LRRK1: variants seen among roughly 807,000 people sequenced by gnomAD.
The protein encoded by LRRK1 is leucine-rich repeat serine/threonine-protein kinase 1.
Under a neutral mutation model 209.1 loss-of-function variants are expected in LRRK1, and 113 were observed. That is an observed-to-expected ratio of 0.54 (90% CI 0.46 to 0.63). The LOEUF (loss-of-function observed/expected upper bound fraction) is 0.63, where lower values mean the gene tolerates loss of function less well. Among genes scored for constraint, LRRK1 ranks in the 30% least tolerant of loss-of-function variants. The pLI is 0.00. For synonymous variants in LRRK1, 1,144 were observed against 1,099.7 expected, an observed-to-expected ratio of 1.04 and a Z score of -0.80; for missense variants, 2,284 against 2,632.2, an observed-to-expected ratio of 0.87 and a Z score of 2.89.
In LRRK1 at chr15:101,027,611, A is replaced by G. The variant is rs780935663; in HGVS notation, c.2527-27A>G. ...GCAGGTGTGCCTTGGGACCTGAGAG[A>G]CCCTGCCTCGCCCAACTGTCCCCCA... On this transcript the variant is annotated intron_variant, in intron 18 of 33. Coordinates refer to ENST00000388948, the MANE Select transcript of LRRK1 (RefSeq NM_024652.6). The surrounding 1 kb of genome is among the most constrained non-coding windows in gnomAD (Gnocchi z 5.1). The G allele has an allele frequency of 1.9e-6, 3 of 1,603,456 alleles. No individual in the cohort carries two copies. The highest frequency in any genetic ancestry group is 2.6e-6 in the Non-Finnish European group (3 of 1,176,340).
chr15:101,005,618 G>C (rs912258171), intron 6 of LRRK1, among the ~76,000 whole-genome samples: 1 of 152,180 alleles, frequency 6.6e-6, no homozygotes, highest in African/African-American at 2.4e-5. Context: ...TTTTGCTCAA[G>C]GGAATCAAGG....
intron 2 of LRRK1, among the ~76,000 whole-genome samples, chr15:100,937,655 C>T (rs891465869): frequency 6.6e-6 from 1 of 151,920 alleles, no homozygotes; most frequent in Non-Finnish European, 1.5e-5. Flanking sequence ...CTGCCTCCAC[C>T]TCCCAAGCAG....
chr15:101,067,952 G>T (rs1272145527), intron 33 of LRRK1, among the ~76,000 whole-genome samples: 1 of 152,214 alleles, frequency 6.6e-6, no homozygotes. Flanking sequence ...CTAAGGGGAG[G>T]TCCTGGCAAG....
At chr15:101,062,550 C>T in intron 30 of LRRK1, 24 bp from the exon 31 acceptor site, 1 of 1,502,280 alleles carries the variant, frequency 6.7e-7, no homozygotes, top group East Asian at 2.3e-5. Flanking sequence ...CTGGGTCTCA[C>T]AGTGGACCTG....
In LRRK1 at chr15:101,074,342, T is replaced by A. The variant is rs1208646427; in HGVS notation, c.*5494T>A. 1 of 151,958 alleles carries A rather than the reference T, an allele frequency of 6.6e-6. No homozygotes were observed. Among genetic ancestry groups the A allele is most frequent in the Non-Finnish European group, 1.5e-5 (1 of 68,012 alleles). The allele number at this position is 151,958 out of a possible 1,614,324, so 9.4% of individuals were successfully genotyped here. A position where few individuals can be genotyped will look rare whatever the true frequency, so the allele number is the denominator to read the frequency against. ...TACAGTTTCCTTCCGTGACTAGCCC[T>A]CCCCTACCTGCCCAGCAATTTTCTC... On this transcript the variant is annotated 3_prime_UTR_variant, in exon 34 of 34. Transcript: ENST00000388948.
intron 1 of LRRK1, among the ~76,000 whole-genome samples, chr15:100,921,272 C>T (rs2141587523): frequency 1.3e-5 from 2 of 152,308 alleles, no homozygotes; most frequent in Admixed American, 1.3e-4. Flanking sequence ...GTTTCAGACT[C>T]ATGGAGCATT....
chr15:100,987,392 T>A (rs2031931603), intron 4 of LRRK1, among the ~76,000 whole-genome samples: 1 of 152,092 alleles, frequency 6.6e-6, no homozygotes, highest in African/African-American at 2.4e-5. Flanking sequence ...CCAAAAGATA[T>A]TGCACTATTT....
At chr15:100,921,558 C>T (rs560151014) in intron 1 of LRRK1, among the ~76,000 whole-genome samples, 9 of 152,310 alleles carry the variant, frequency 5.9e-5, no homozygotes, top group Non-Finnish European at 2.9e-5. Context: ...TAACTGATAT[C>T]GACAGTCCTT....
At chr15:100,938,228 C>A (rs2042337986) in intron 2 of LRRK1, among the ~76,000 whole-genome samples, 1 of 152,042 alleles carries the variant, frequency 6.6e-6, no homozygotes, top group Non-Finnish European at 1.5e-5. Flanking sequence ...TTAAAATGCA[C>A]CCCTTTGTAC....
intron 2 of LRRK1, among the ~76,000 whole-genome samples, chr15:100,935,010 A>T (rs56293304): frequency 6.6e-6 from 1 of 152,020 alleles, no homozygotes; most frequent in African/African-American, 2.4e-5. Flanking sequence ...TTTATTGAAC[A>T]TACTGAAAAT....
At chr15:100,998,496 C>T (rs1364882515) in intron 6 of LRRK1, among the ~76,000 whole-genome samples, 1 of 152,192 alleles carries the variant, frequency 6.6e-6, no homozygotes, top group Non-Finnish European at 1.5e-5. Context: ...GGGTGACATT[C>T]TTCTTTAATC....
intron 31 of LRRK1, among the ~76,000 whole-genome samples, chr15:101,063,482 G>A (rs915424434): frequency 6.6e-6 from 1 of 152,210 alleles, no homozygotes. Flanking sequence ...CTCAGTGGGG[G>A]GCAGCTCCCT....
At chr15:100,971,029 T>C (rs1386770818) in intron 2 of LRRK1, among the ~76,000 whole-genome samples, 1 of 152,088 alleles carries the variant, frequency 6.6e-6, no homozygotes, top group Non-Finnish European at 1.5e-5. Flanking sequence ...GTGCTATGCA[T>C]TTACATTTAA....
At position 101,055,130 on chromosome 15, in the gene LRRK1, G is replaced by A. The variant is rs760044590; in HGVS notation, c.4239G>A (p.Ser1413=). ...TCAAGCTATCTGACTACGGGATTTCGAGGCAGTCATTCCATGAGGGCGCCC... is the reference window on the plus strand; with the variant it reads ...TCAAGCTATCTGACTACGGGATTTCAAGGCAGTCATTCCATGAGGGCGCCC... The part of the protein sequence containing the change: ...INIKLSDYGI[S]RQSFHEGALG... Residue 1413 remains serine, a synonymous_variant, in exon 27 of 34, where the codon TCG becomes TCA. Coordinates refer to ENST00000388948, the MANE Select transcript of LRRK1 (RefSeq NM_024652.6). The A allele has an allele frequency of 4.2e-5, 68 of 1,613,620 alleles. No homozygotes were observed. Among genetic ancestry groups the A allele is most frequent in the South Asian group, 3.3e-4 (30 of 90,990 alleles).
intron 30 of LRRK1, 91 bp downstream of exon 30, chr15:101,061,379 C>T (rs938329830): frequency 6.7e-5 from 57 of 844,600 alleles, no homozygotes; most frequent in African/African-American, 2.9e-4. Flanking sequence ...AAATACAGGA[C>T]GCCAGGTCAA....
rs769399875 is a variant in LRRK1, at chr15:100,962,794, CATATATATAT to C, written c.98-10989_98-10980del. 3.1e-3 allele frequency among the ~76,000 whole-genome samples: 121 copies of C among 39,400 alleles called. 4 individuals carry two copies. Among genetic ancestry groups the C allele is most frequent in the African/African-American group, 7.4e-3 (84 of 11,310 alleles). 25.8% of individuals were successfully genotyped at this position (39,400 alleles called of 152,430 possible). A position where few individuals can be genotyped will look rare whatever the true frequency, so the allele number is the denominator to read the frequency against. ...ACCTAGAATAAATTATTTCATTTTGCATATATATATATATATATATATATATATATTTTTT... is the reference window on the plus strand; with the variant it reads ...ACCTAGAATAAATTATTTCATTTTGCATATATATATATATATATATTTTTT... On this transcript the variant is annotated intron_variant, in intron 2 of 33. Coordinates refer to ENST00000388948, the MANE Select transcript of LRRK1 (RefSeq NM_024652.6).
chr15:101,067,328 C>A (rs375197644), intron 33 of LRRK1: 4 of 455,946 alleles, frequency 8.8e-6, no homozygotes, highest in South Asian at 6.2e-5. Flanking sequence ...GTGAGGCTGG[C>A]GCCAGCTGCA....
Position 101,063,511 on chromosome 15 carries a change from C to T in LRRK1, c.4914+821C>T, listed in dbSNP as rs1196601259. ...GCTCCCTGGCTTTTCCGGGCTCCTC[C>T]GCCCACAGGATTCAGGCACGGCTCA... On this transcript the variant is annotated intron_variant, in intron 31 of 33. Coordinates refer to ENST00000388948, the MANE Select transcript of LRRK1 (RefSeq NM_024652.6). 4.6e-5 allele frequency among the ~76,000 whole-genome samples: 7 copies of T among 152,212 alleles called. No homozygotes were observed. In the East Asian group the frequency reaches 5.8e-4, roughly 13 times the overall value.
At chr15:100,936,194 T>G (rs955183019) in intron 2 of LRRK1, among the ~76,000 whole-genome samples, 3 of 152,222 alleles carry the variant, frequency 2.0e-5, no homozygotes, top group African/African-American at 4.8e-5. Flanking sequence ...TATTTTGTCA[T>G]TTTTGCTACA....
Sources: gnomAD v4.1 joint callset for allele counts (sites outside exome capture counted in the v4.1 genomes callset) on GRCh38, gnomAD v4.1.1 for gene constraint, Gnocchi (gnomAD v3.1) non-coding constraint, MANE v1.5 for transcripts, NCBI Gene and HGNC (gene_info 2026-07-23, HGNC 2026-07-21) for gene names.